Variants in TYMS observed in about 807,000 individuals in gnomAD.
The protein encoded by TYMS is thymidylate synthase.
Under a neutral mutation model 39.3 loss-of-function variants are expected in TYMS, and 21 were observed. The ratio of observed to expected loss-of-function variants is 0.54; its 90% CI spans 0.38 to 0.77. TYMS has a LOEUF of 0.77. Ranked by LOEUF, TYMS falls within the 30% of genes least tolerant of loss-of-function variation. The pLI is 0.00. For missense variants in TYMS, 273 were observed against 406.7 expected, an observed-to-expected ratio of 0.67 and a Z score of 2.83; for synonymous variants, 171 against 162.2, an observed-to-expected ratio of 1.05 and a Z score of -0.41.
intron 3 of TYMS, 36 bp downstream of exon 3, chr18:662,356 T>A: frequency 7.1e-7 from 1 of 1,403,092 alleles, no homozygotes; most frequent in Non-Finnish European, 9.9e-7. Context: ...ATTTCCCGGG[T>A]GCCCTTCCTA....
rs945359619 is a variant in TYMS, at chr18:657,822, C to T, written c.80C>T (p.Pro27Leu). The change falls in exon 1 of 7, where the codon CCG (proline) becomes CTG (leucine). Residue 27 changes from proline to leucine, a missense_variant. Physicochemically the swap from Pro to Leu is moderately conservative, Grantham distance 98. Transcript: ENST00000323274. ...GAGCGGGACGCCGAGCCGCGTCCGC[C>T]GCACGGGGAGCTGCAGTACCTGGGG... ...AQERDAEPRP[P>L]HGELQYLGQI... 3.4e-6 allele frequency: 5 copies of T among 1,469,372 alleles called. No individual in the cohort carries two copies. Among genetic ancestry groups the T allele is most frequent in the African/African-American group, 3.0e-5 (2 of 67,030 alleles). The allele number at this position is 1,469,372 out of a possible 1,614,324, so 91.0% of individuals were successfully genotyped here.
chr18:660,492 A>T lies in TYMS; in HGVS notation c.279+778A>T, dbSNP rs147399203. Among the ~76,000 whole-genome samples the T allele has an allele frequency of 6.6e-6, 1 of 152,220 alleles. No individual in the cohort carries two copies. The highest frequency in any genetic ancestry group is 2.4e-5 in the African/African-American group (1 of 41,514). On this transcript the variant is annotated intron_variant, in intron 2 of 6. Transcript: ENST00000323274. This position sits in a 1 kb window ranked among gnomAD's most constrained non-coding sequence, Gnocchi z 4.6. ...GCTGTAAGCTTTATGAGGGCAGAGG[A>T]TTTGTTTCTCGTGTTCACTGTTGTA... is the stretch of plus-strand genomic sequence containing the variant.
At chr18:671,130 G>GGTAT (rs2075025283) in intron 5 of TYMS, 1 of 616,072 alleles carries the variant, frequency 1.6e-6, no homozygotes, top group African/African-American at 1.8e-5. Flanking sequence ...GCTGAGGTTG[G>GGTAT]GTATGGTGGC....
chr18:667,992 A>ATTTTTTTTT lies in TYMS; in HGVS notation c.455-1069_455-1061dup, dbSNP rs60409589. ...AATTTTGTTTTACAGATTCACAGGA[A>ATTTTTTTTT]TTTTTTTTTTTTTTTTTTTAATGCA... is the stretch of plus-strand genomic sequence containing the variant. On this transcript the variant is annotated intron_variant, in intron 3 of 6. Transcript: ENST00000323274. Among the ~76,000 whole-genome samples the ATTTTTTTTT allele has an allele frequency of 3.4e-4, 36 of 105,362 alleles. 1 individual carries two copies. The highest frequency in any genetic ancestry group is 1.1e-3 in the African/African-American group (24 of 21,850). 69.1% of individuals were successfully genotyped at this position (105,362 alleles called of 152,430 possible).
chr18:657,825 A>T lies in TYMS; in HGVS notation c.83A>T (p.His28Leu). 1 of 1,471,950 alleles carries T rather than the reference A, an allele frequency of 6.8e-7. No individual in the cohort carries two copies. The highest frequency in any genetic ancestry group is 8.9e-7 in the Non-Finnish European group (1 of 1,120,488). The allele number at this position is 1,471,950 out of a possible 1,614,324, so 91.2% of individuals were successfully genotyped here. ...CGGGACGCCGAGCCGCGTCCGCCGCACGGGGAGCTGCAGTACCTGGGGCAG... is the reference window on the plus strand; with the variant it reads ...CGGGACGCCGAGCCGCGTCCGCCGCTCGGGGAGCTGCAGTACCTGGGGCAG... ...QERDAEPRPP[H>L]GELQYLGQIQ... is the part of the protein sequence containing the mutation. The change falls in exon 1 of 7, where the codon CAC (histidine) becomes CTC (leucine). Residue 28 changes from histidine to leucine, a missense_variant. Physicochemically the swap from His to Leu is moderately conservative, Grantham distance 99. Coordinates refer to ENST00000323274, the MANE Select transcript of TYMS (RefSeq NM_001071.4).
chr18:664,170 C>G (rs1450107460), intron 3 of TYMS, among the ~76,000 whole-genome samples: 5 of 151,842 alleles, frequency 3.3e-5, no homozygotes, highest in Admixed American at 6.6e-5. Context: ...TCTTCCATTT[C>G]TTTGTATCCT....
chr18:670,045 ATTT>A (rs34118802), intron 4 of TYMS, among the ~76,000 whole-genome samples: 87 of 138,526 alleles, frequency 6.3e-4, no homozygotes, highest in Non-Finnish European at 6.4e-4. Context: ...ATAGAGACTT[ATTT>A]TTTTTTTTTT....
At position 667,565 on chromosome 18, in the gene TYMS, TGATGGA is replaced by T. The variant is rs1356120076; in HGVS notation, c.455-1501_455-1496del. ...GTGATGGTGATGGAGATGGTGATGG[TGATGGA>T]GATGGTGATGGTGATGGTGATGGTG... is the stretch of plus-strand genomic sequence containing the variant. On this transcript the variant is annotated intron_variant, in intron 3 of 6. Transcript: ENST00000323274. Among the ~76,000 whole-genome samples the T allele has an allele frequency of 3.0e-3, 183 of 60,230 alleles. 13 individuals carry two copies. The highest frequency in any genetic ancestry group is 3.8e-3 in the East Asian group (6 of 1,584). The allele number at this position is 60,230 out of a possible 152,430, so 39.5% of individuals were successfully genotyped here. A position where few individuals can be genotyped will look rare whatever the true frequency, so the allele number is the denominator to read the frequency against.
intron 3 of TYMS, among the ~76,000 whole-genome samples, chr18:664,451 T>C (rs1315676206): frequency 1.4e-5 from 2 of 144,404 alleles, no homozygotes; most frequent in South Asian, 2.3e-4. Flanking sequence ...TATACAATCA[T>C]GTCGTCTGCA....
chr18:667,275 TGATGG>T (rs1343580174), intron 3 of TYMS, among the ~76,000 whole-genome samples: 1,341 of 18,204 alleles, frequency 0.074, 331 homozygotes, highest in East Asian at 0.13. Context: ...ATGGTGATGG[TGATGG>T]GATGGTGATG....
chr18:670,952 TTA>T, intron 5 of TYMS, 85 bp downstream of exon 5: 2 of 1,474,330 alleles, frequency 1.4e-6, no homozygotes, highest in Non-Finnish European at 9.2e-7. Context: ...ATTGCAGAGT[TTA>T]GTCTCTGATT....
chr18:662,959 G>A (rs1326372835), intron 3 of TYMS, among the ~76,000 whole-genome samples: 4 of 146,948 alleles, frequency 2.7e-5, no homozygotes, highest in Non-Finnish European at 5.9e-5. Context: ...ATTGTGAATA[G>A]TGCCACAATA....
At position 657,681 on chromosome 18, in the gene TYMS, ACTTGGCCTGCCTCCGTCCCG is replaced by A; in HGVS notation, c.-60_-41del. The A allele has an allele frequency of 8.3e-7, 1 of 1,198,680 alleles. No individual in the cohort carries two copies. The highest frequency in any genetic ancestry group is 1.1e-6 in the Non-Finnish European group (1 of 935,388). The allele number at this position is 1,198,680 out of a possible 1,614,324, so 74.3% of individuals were successfully genotyped here. ...TGGCCTGCCTCCGTCCCGCCGCGCC[ACTTGGCCTGCCTCCGTCCCG>A]CCGCGCCACTTCGCCTGCCTCCGTC... is the stretch of plus-strand genomic sequence containing the variant. On this transcript the variant is annotated 5_prime_UTR_variant, in exon 1 of 7. Coordinates refer to ENST00000323274, the MANE Select transcript of TYMS (RefSeq NM_001071.4).
chr18:662,341 C>T (rs1160821566), intron 3 of TYMS, 21 bp downstream of exon 3: 1 of 1,578,902 alleles, frequency 6.3e-7, no homozygotes, highest in East Asian at 2.3e-5. Flanking sequence ...AGAACAATGC[C>T]TTCCATTTCC....
intron 3 of TYMS, among the ~76,000 whole-genome samples, chr18:664,827 T>C (rs2074792804): frequency 6.9e-6 from 1 of 145,344 alleles, no homozygotes; most frequent in African/African-American, 2.7e-5. Context: ...CATTTATTGA[T>C]TTGTGTATAT....
intron 4 of TYMS, among the ~76,000 whole-genome samples, chr18:669,958 A>G (rs1202901241): frequency 6.6e-6 from 1 of 151,770 alleles, no homozygotes; most frequent in African/African-American, 2.4e-5. Context: ...TGAGACCCTG[A>G]ATATTTAAAA....
rs2144266534 is a variant in TYMS, at chr18:662,160, T to C, written c.294T>C (p.Ala98=). ...LLWFIKGSTN[A]KELSSKGVKI... is the part of the protein sequence containing the mutation. ...ATCTCTTCCAGGGATCCACAAATGC[T>C]AAAGAGCTGTCTTCCAAGGGAGTGA... Residue 98 remains alanine, a synonymous_variant, in exon 3 of 7, where the codon GCT becomes GCC. Coordinates refer to ENST00000323274, the MANE Select transcript of TYMS (RefSeq NM_001071.4). The C allele has an allele frequency of 6.2e-7, 1 of 1,610,888 alleles. No homozygotes were observed. The highest frequency in any genetic ancestry group is 8.5e-7 in the Non-Finnish European group (1 of 1,178,734).
chr18:669,305 C>A, intron 4 of TYMS, 132 bp downstream of exon 4: 3 of 631,090 alleles, frequency 4.8e-6, no homozygotes, highest in Non-Finnish European at 5.5e-6. Context: ...GATTGTGTGA[C>A]GTTGGGCAAG....
At chr18:670,888 T>C (rs3826626) in intron 5 of TYMS, 21 bp downstream of exon 5, 33,247 of 1,612,726 alleles carry the variant, frequency 0.021, 2,427 homozygotes, top group East Asian at 0.2. Context: ...TCGGGAAGGG[T>C]GACTTGCCAG....
Sources: gnomAD v4.1 joint callset for allele counts (sites outside exome capture counted in the v4.1 genomes callset) on GRCh38, gnomAD v4.1.1 for gene constraint, Gnocchi (gnomAD v3.1) non-coding constraint, MANE v1.5 for transcripts, NCBI Gene and HGNC (gene_info 2026-07-23, HGNC 2026-07-21) for gene names.